Variants in RXRA observed in about 807,000 individuals in gnomAD.
RXRA encodes the protein retinoic acid receptor RXR-alpha.
A neutral mutation model predicts 44.5 loss-of-function variants in RXRA; 5 were observed. The observed-to-expected ratio is 0.11, with a 90% CI of 0.06 to 0.24. The LOEUF is 0.24. Among genes scored for constraint, RXRA ranks in the 10% least tolerant of loss-of-function variants. The probability of loss-of-function intolerance (pLI) is 1.00; values close to 1 mark genes in which losing one functional copy is unlikely to be tolerated. For missense variants in RXRA, 412 were observed against 646.5 expected (o/e 0.64, Z 3.93); for synonymous variants, 291 against 271.4 (o/e 1.07, Z -0.71).
rs1746609896 is a variant in RXRA, at chr9:134,437,367, TC to T, written c.*754del. On this transcript the variant is annotated 3_prime_UTR_variant, in exon 10 of 10. Transcript: ENST00000481739. The stretch of plus-strand genomic sequence containing the variant: ...CCCTGTTTTCTCTCTGCCTTGGTGT[TC>T]TGGTTTCAGACTCCCGACTCCCCGT... 6.5e-6 allele frequency: 1 copy of T among 152,732 alleles called. No homozygotes were observed. The highest frequency in any genetic ancestry group is 2.4e-5 in the African/African-American group (1 of 41,452). The allele number at this position is 152,732 out of a possible 1,614,324, so 9.5% of individuals were successfully genotyped here. A position where few individuals can be genotyped will look rare whatever the true frequency, so the allele number is the denominator to read the frequency against.
intron 5 of RXRA, among the ~76,000 whole-genome samples, chr9:134,418,837 G>A (rs947599699): frequency 9.8e-5 from 15 of 152,298 alleles, no homozygotes; most frequent in African/African-American, 3.6e-4. Context: ...TTCGGTCAAG[G>A]ACAGCGACCC....
At chr9:134,381,228 C>T (rs937340720) in intron 1 of RXRA, among the ~76,000 whole-genome samples, 6 of 152,208 alleles carry the variant, frequency 3.9e-5, no homozygotes, top group African/African-American at 9.6e-5. Context: ...AAGAGGCAGG[C>T]GTATGGGAGT....
Position 134,426,547 on chromosome 9 carries a change from GCTCCTGA to G in RXRA, c.911-2559_911-2553del. 1 of 985,468 alleles carries G rather than the reference GCTCCTGA, an allele frequency of 1.0e-6. No homozygotes were observed. Among genetic ancestry groups the G allele is most frequent in the Non-Finnish European group, 1.2e-6 (1 of 829,942 alleles). 61.0% of individuals were successfully genotyped at this position (985,468 alleles called of 1,614,324 possible). ...CGCACTGTTCTGTCCGTGTGTCTGG[GCTCCTGA>G]CCTGTATCCCGTGCTGAGGGCCGCA... On this transcript the variant is annotated intron_variant, in intron 6 of 9. Transcript: ENST00000481739. The surrounding 1 kb of genome is among the most constrained non-coding windows in gnomAD (Gnocchi z 4.6).
At chr9:134,389,449 T>C (rs1300188921) in intron 1 of RXRA, among the ~76,000 whole-genome samples, 4 of 151,326 alleles carry the variant, frequency 2.6e-5, no homozygotes, top group African/African-American at 4.9e-5. Flanking sequence ...CTTTGGACTT[T>C]GGGGGTATAA....
At chr9:134,354,676 TC>T (rs1554749862) in intron 1 of RXRA, among the ~76,000 whole-genome samples, 1 of 152,222 alleles carries the variant, frequency 6.6e-6, no homozygotes, top group Non-Finnish European at 1.5e-5. Context: ...TTCCCAGGGT[TC>T]CTCCTGCAGC....
rs968980192 is a variant in RXRA at position 134,423,983 on chromosome 9, C to T, written c.910+2178C>T. The T allele has an allele frequency of 1.2e-5, 12 of 982,512 alleles. No individual in the cohort carries two copies. In the Admixed American group the frequency reaches 1.9e-4, roughly 15 times the overall value. The allele number at this position is 982,512 out of a possible 1,614,324, so 60.9% of individuals were successfully genotyped here. A position where few individuals can be genotyped will look rare whatever the true frequency, so the allele number is the denominator to read the frequency against. ...CTGGGGGCCTGGCGGAGGTCCGAGTCGGGTTGGATGGCTGTGTCCGTCGCC... is the reference window on the plus strand; with the variant it reads ...CTGGGGGCCTGGCGGAGGTCCGAGTTGGGTTGGATGGCTGTGTCCGTCGCC... On this transcript the variant is annotated intron_variant, in intron 6 of 9. Coordinates refer to ENST00000481739, the MANE Select transcript of RXRA (RefSeq NM_002957.6).
At chr9:134,340,624 G>T (rs994994964) in intron 1 of RXRA, among the ~76,000 whole-genome samples, 8 of 152,176 alleles carry the variant, frequency 5.3e-5, no homozygotes, top group Admixed American at 2.0e-4. Flanking sequence ...AGACGGTCTC[G>T]GTGCATGAGC....
chr9:134,398,388 CTG>C (rs1282463469), intron 1 of RXRA, among the ~76,000 whole-genome samples: 1 of 144,408 alleles, frequency 6.9e-6, no homozygotes, highest in Non-Finnish European at 1.5e-5. Context: ...GGGCCCTTTG[CTG>C]TGAGTAGAGG....
intron 1 of RXRA, among the ~76,000 whole-genome samples, chr9:134,383,082 A>G (rs1018573602): frequency 1.3e-5 from 2 of 152,128 alleles, no homozygotes; most frequent in South Asian, 2.1e-4. Context: ...GTGTGTGCAC[A>G]CTGTGGGGAC....
intron 6 of RXRA, 136 bp downstream of exon 6, chr9:134,421,941 C>T: frequency 6.6e-7 from 1 of 1,526,378 alleles, no homozygotes; most frequent in Non-Finnish European, 8.8e-7. Flanking sequence ...CCAGGACCCA[C>T]TCCTACCTCC....
At chr9:134,422,945 T>C (rs1202481666) in intron 6 of RXRA, 2 of 985,470 alleles carry the variant, frequency 2.0e-6, no homozygotes, top group Admixed American at 1.2e-4. Flanking sequence ...CATGCGGTAA[T>C]GGTGGTGCAC....
intron 7 of RXRA, among the ~76,000 whole-genome samples, chr9:134,430,641 TC>T (rs11293248): frequency 0.63 from 95,416 of 152,082 alleles, 31,092 homozygotes; most frequent in Non-Finnish European, 0.72. Context: ...TACAGGAGGG[TC>T]CCCACGGGGG....
At position 134,426,416 on chromosome 9, in the gene RXRA, T is replaced by G; in HGVS notation, c.911-2692T>G. The G allele has an allele frequency of 2.0e-6, 2 of 985,316 alleles. No homozygotes were observed. The highest frequency in any genetic ancestry group is 2.4e-6 in the Non-Finnish European group (2 of 829,904). The allele number at this position is 985,316 out of a possible 1,614,324, so 61.0% of individuals were successfully genotyped here. On this transcript the variant is annotated intron_variant, in intron 6 of 9. Transcript: ENST00000481739. The surrounding 1 kb of genome is among the most constrained non-coding windows in gnomAD (Gnocchi z 4.6). ...GAGGAGGGCAGCTTACAAAGGTGTG[T>G]GGGGCAGGAGAGGAGAAATAACCGA...
intron 1 of RXRA, among the ~76,000 whole-genome samples, chr9:134,400,630 G>A (rs953794023): frequency 2.0e-5 from 3 of 152,232 alleles, no homozygotes; most frequent in Non-Finnish European, 2.9e-5. Flanking sequence ...CCCATGGGCA[G>A]TGGATTCGCC....
intron 7 of RXRA, among the ~76,000 whole-genome samples, 189 bp from the exon 8 acceptor site, chr9:134,431,716 G>C (rs1030237201): frequency 6.6e-6 from 1 of 151,850 alleles, no homozygotes; most frequent in Non-Finnish European, 1.5e-5. Flanking sequence ...GGCCTGGCAG[G>C]GGCGGCACCT....
intron 6 of RXRA, chr9:134,424,395 C>G: frequency 1.0e-6 from 1 of 985,454 alleles, no homozygotes; most frequent in Non-Finnish European, 1.2e-6. Context: ...GGACTCCCAG[C>G]CTGACCTCCC....
chr9:134,372,409 C>T (rs1003659884), intron 1 of RXRA, among the ~76,000 whole-genome samples: 4 of 152,224 alleles, frequency 2.6e-5, no homozygotes, highest in South Asian at 2.1e-4. Context: ...GGGCCGCAGG[C>T]GAGGGTCCCT....
chr9:134,420,220 G>A (rs1831306585), intron 5 of RXRA, among the ~76,000 whole-genome samples: 2 of 152,354 alleles, frequency 1.3e-5, no homozygotes, highest in Admixed American at 1.3e-4. Context: ...ATACCCTGCA[G>A]CCGATGGGCA....
intron 1 of RXRA, among the ~76,000 whole-genome samples, chr9:134,361,519 A>G (rs1188666842): frequency 6.6e-6 from 1 of 152,162 alleles, no homozygotes; most frequent in Non-Finnish European, 1.5e-5. Context: ...CGGGTGACAG[A>G]TGAGGCCATG....
Sources: gnomAD v4.1 joint callset for allele counts (sites outside exome capture counted in the v4.1 genomes callset) on GRCh38, gnomAD v4.1.1 for gene constraint, Gnocchi (gnomAD v3.1) non-coding constraint, MANE v1.5 for transcripts, NCBI Gene and HGNC (gene_info 2026-07-23, HGNC 2026-07-21) for gene names.